DNMT3A: variants seen among roughly 807,000 people sequenced by gnomAD.
DNMT3A encodes the protein DNA (cytosine-5)-methyltransferase 3A.
Under a neutral mutation model 117.6 loss-of-function variants are expected in DNMT3A, and 267 were observed. The observed-to-expected ratio is 2.27, with a 90% confidence interval of 2.05 to 2.51. The LOEUF is 2.51. Among genes scored for constraint, DNMT3A ranks in the 30% most tolerant of loss-of-function variants. The probability of loss-of-function intolerance (pLI) is 0.00; values close to 1 mark genes in which losing one functional copy is unlikely to be tolerated. For missense variants in DNMT3A, 1,029 were observed against 1,260.2 expected, an observed-to-expected ratio of 0.82 and a Z score of 2.78; for synonymous variants, 432 against 474.8, an observed-to-expected ratio of 0.91 and a Z score of 1.17.
chr2:25,273,698 C>G (rs976631294), intron 6 of DNMT3A, among the ~76,000 whole-genome samples: 17 of 152,178 alleles, frequency 1.1e-4, no homozygotes, highest in African/African-American at 4.1e-4. Flanking sequence ...CTGAAGCCCT[C>G]CACGGGCTGT....
intron 6 of DNMT3A, among the ~76,000 whole-genome samples, chr2:25,271,274 G>A (rs1233778188): frequency 6.6e-6 from 1 of 152,132 alleles, no homozygotes; most frequent in Non-Finnish European, 1.5e-5. Flanking sequence ...CTCAACCCAG[G>A]AGGCGGAGGC....
Position 25,252,029 on chromosome 2 carries a change from TA to T in DNMT3A, c.640-3778del. On this transcript the variant is annotated intron_variant, in intron 6 of 22. Coordinates refer to ENST00000321117, the MANE Select transcript of DNMT3A (RefSeq NM_022552.5). The surrounding 1 kb of genome is among the most constrained non-coding windows in gnomAD (Gnocchi z 5.5). ...GGGCAGGAAGGCGGCGGGCCAGCAC[TA>T]AGTCAGCATCTCCAGAACTCGGGCC... 1 of 875,796 alleles carries T rather than the reference TA, an allele frequency of 1.1e-6. No homozygotes were observed. The highest frequency in any genetic ancestry group is 1.7e-6 in the Non-Finnish European group (1 of 598,566). 54.3% of individuals were successfully genotyped at this position (875,796 alleles called of 1,614,324 possible). A position where few individuals can be genotyped will look rare whatever the true frequency, so the allele number is the denominator to read the frequency against.
intron 6 of DNMT3A, among the ~76,000 whole-genome samples, chr2:25,274,076 C>T (rs2031185271): frequency 6.6e-6 from 1 of 152,232 alleles, no homozygotes; most frequent in African/African-American, 2.4e-5. Flanking sequence ...AGACTCCAGG[C>T]ACCTGGCATC....
chr2:25,254,423 C>G lies in DNMT3A; in HGVS notation c.640-6171G>C, dbSNP rs1389671874. Among the ~76,000 whole-genome samples the G allele has an allele frequency of 6.6e-6, 1 of 151,984 alleles. No homozygotes were observed. Among genetic ancestry groups the G allele is most frequent in the Non-Finnish European group, 1.5e-5 (1 of 68,006 alleles). On this transcript the variant is annotated intron_variant, in intron 6 of 22. Transcript: ENST00000321117. The surrounding 1 kb of genome is among the most constrained non-coding windows in gnomAD (Gnocchi z 4.7). The stretch of plus-strand genomic sequence containing the variant: ...ACCTAGAAGACTTGGGTACAGACTC[C>G]CCCCCAACCCTGAGACCCAGAATCC...
chr2:25,240,227 G>C (rs553854308), intron 19 of DNMT3A, 75 bp downstream of exon 19: 12 of 1,598,672 alleles, frequency 7.5e-6, no homozygotes. Flanking sequence ...CCACAATGCA[G>C]ATGAGACAGG....
chr2:25,291,659 T>G (rs931977994), intron 3 of DNMT3A, among the ~76,000 whole-genome samples: 3 of 152,282 alleles, frequency 2.0e-5, no homozygotes, highest in African/African-American at 7.2e-5. Flanking sequence ...GTCCTACCAT[T>G]CCCCTTACCA....
intron 1 of DNMT3A, among the ~76,000 whole-genome samples, chr2:25,316,070 G>A (rs755919635): frequency 2.6e-4 from 40 of 152,340 alleles, no homozygotes; most frequent in Non-Finnish European, 4.6e-4. Context: ...CAAGGAAGCT[G>A]TTGCGGCCCC....
In DNMT3A at chr2:25,246,160, C is replaced by G; in HGVS notation, c.1429G>C (p.Glu477Gln). 4 of 1,613,916 alleles carry G rather than the reference C, an allele frequency of 2.5e-6. No homozygotes were observed. Among genetic ancestry groups the G allele is most frequent in the Non-Finnish European group, 3.4e-6 (4 of 1,179,808 alleles). ...CCCTCTCCAGAAGCAGGCCAACTAC[C>G]TCTTGTGCGCTCATCAATAATCTCC... The part of the protein sequence containing the change: ...VKEIIDERTR[E>Q]RLVYEVRQKC... The change falls in exon 11 of 23, where the codon GAG (glutamate) becomes CAG (glutamine). Residue 477 changes from glutamate to glutamine, a missense_variant and splice_region_variant. Physicochemically the swap from Glu to Gln is conservative, Grantham distance 29. Coordinates refer to ENST00000321117, the MANE Select transcript of DNMT3A (RefSeq NM_022552.5).
Position 25,234,304 on chromosome 2 carries a change from AGCGGAGCGAAGAG to A in DNMT3A, c.2701_2713del (p.Leu901Ter). The A allele has an allele frequency of 6.2e-7, 1 of 1,613,952 alleles. No homozygotes were observed. The highest frequency in any genetic ancestry group is 8.5e-7 in the Non-Finnish European group (1 of 1,179,918). On this transcript the variant is annotated frameshift_variant, in exon 23 of 23. Coordinates refer to ENST00000321117, the MANE Select transcript of DNMT3A (RefSeq NM_022552.5). LOFTEE classifies it high-confidence loss of function. The surrounding 1 kb of genome is among the most constrained non-coding windows in gnomAD (Gnocchi z 4.5). Reference sequence around the variant, plus strand: ...TTACACACACGCAAAATACTCCTTCAGCGGAGCGAAGAGGTGGCGGATGACTGGCACGCTCCAT... The same window carrying A: ...TTACACACACGCAAAATACTCCTTCAGTGGCGGATGACTGGCACGCTCCAT...
At chr2:25,246,806 G>A (rs949891527) in intron 9 of DNMT3A, 30 bp from the exon 10 acceptor site, 4 of 1,608,824 alleles carry the variant, frequency 2.5e-6, no homozygotes, top group Middle Eastern at 1.7e-4. Flanking sequence ...GGTTGGGGTT[G>A]TCAGGACAGG....
chr2:25,244,258 C>T lies in DNMT3A; in HGVS notation c.1748G>A (p.Cys583Tyr), dbSNP rs748082838. The T allele has an allele frequency of 1.2e-6, 2 of 1,613,968 alleles. No homozygotes were observed. Among genetic ancestry groups the T allele is most frequent in the Non-Finnish European group, 1.7e-6 (2 of 1,179,980 alleles). The change falls in exon 15 of 23, where the codon TGC (cysteine) becomes TAC (tyrosine). Residue 583 changes from cysteine to tyrosine, a missense_variant. Physicochemically the swap from Cys to Tyr is radical, Grantham distance 194. Coordinates refer to ENST00000321117, the MANE Select transcript of DNMT3A (RefSeq NM_022552.5). ...QAAIKEDPWN[C>Y]YMCGHKGTYG... ...GGTACCCTTGTGCCCGCACATGTAGCAGTTCCAGGGGTCTTCCTTAATGGC... is the reference window on the plus strand; with the variant it reads ...GGTACCCTTGTGCCCGCACATGTAGTAGTTCCAGGGGTCTTCCTTAATGGC...
Position 25,275,577 on chromosome 2 carries a change from T to C in DNMT3A, c.449-34A>G, listed in dbSNP as rs1403720221. 3 of 1,550,224 alleles carry C rather than the reference T, an allele frequency of 1.9e-6. No homozygotes were observed. The South Asian group carries it at 3.7e-5, about 19-fold the overall frequency. ...AGGGAAGAACAAAGGGACCAGTTCGTTGGTCGGCAGAATTACTGGAGTGGC... is the reference window on the plus strand; with the variant it reads ...AGGGAAGAACAAAGGGACCAGTTCGCTGGTCGGCAGAATTACTGGAGTGGC... On this transcript the variant is annotated intron_variant, in intron 4 of 22. Coordinates refer to ENST00000321117, the MANE Select transcript of DNMT3A (RefSeq NM_022552.5).
chr2:25,288,815 C>T (rs1221008471), intron 3 of DNMT3A, among the ~76,000 whole-genome samples: 1 of 152,206 alleles, frequency 6.6e-6, no homozygotes, highest in African/African-American at 2.4e-5. Context: ...CCAGTCACCA[C>T]TCTTCTACTT....
intron 1 of DNMT3A, among the ~76,000 whole-genome samples, chr2:25,329,181 G>A (rs1573505016): frequency 6.6e-6 from 1 of 152,158 alleles, no homozygotes; most frequent in East Asian, 1.9e-4. Context: ...GGCCGAGGGA[G>A]GGAGAAGAGC....
At chr2:25,266,499 CCTTTA>C (rs1176879676) in intron 6 of DNMT3A, among the ~76,000 whole-genome samples, 1 of 152,140 alleles carries the variant, frequency 6.6e-6, no homozygotes, top group African/African-American at 2.4e-5. Flanking sequence ...GCACAAGGCC[CCTTTA>C]CTTAGTAGGT....
At chr2:25,334,243 T>A (rs2035124180) in intron 1 of DNMT3A, among the ~76,000 whole-genome samples, 1 of 152,060 alleles carries the variant, frequency 6.6e-6, no homozygotes, top group Admixed American at 6.5e-5. Context: ...CTTCCTGGGG[T>A]AGCAAGACGA....
chr2:25,326,108 A>ATG (rs61521265), intron 1 of DNMT3A, among the ~76,000 whole-genome samples: 24,355 of 142,112 alleles, frequency 0.17, 2,228 homozygotes, highest in East Asian at 0.4. Flanking sequence ...CTTGATATAT[A>ATG]TGTGTGTGTG....
chr2:25,332,558 T>C (rs2149448433), intron 1 of DNMT3A, among the ~76,000 whole-genome samples: 1 of 152,358 alleles, frequency 6.6e-6, no homozygotes, highest in South Asian at 2.1e-4. Flanking sequence ...ACATCATTTG[T>C]GGATCTGAGG....
Position 25,282,222 on chromosome 2 carries a change from G to T in DNMT3A, c.448+219C>A. Reference sequence around the variant, plus strand: ...TGAAATTTTTTGATTTTTAAATACTGGCAACTAATTTTTTAAATGTTTAAA... The same window carrying T: ...TGAAATTTTTTGATTTTTAAATACTTGCAACTAATTTTTTAAATGTTTAAA... On this transcript the variant is annotated intron_variant, in intron 4 of 22. Coordinates refer to ENST00000321117, the MANE Select transcript of DNMT3A (RefSeq NM_022552.5). This position sits in a 1 kb window ranked among gnomAD's most constrained non-coding sequence, Gnocchi z 5.2. The T allele has an allele frequency of 8.0e-7, 1 of 1,246,850 alleles. No homozygotes were observed. The highest frequency in any genetic ancestry group is 1.0e-6 in the Non-Finnish European group (1 of 990,840). The allele number at this position is 1,246,850 out of a possible 1,614,324, so 77.2% of individuals were successfully genotyped here.
Sources: allele counts gnomAD v4.1 joint callset (sites outside exome capture counted in the v4.1 genomes callset), GRCh38; gene constraint gnomAD v4.1.1; non-coding constraint Gnocchi (gnomAD v3.1); transcripts MANE v1.5; gene names NCBI Gene and HGNC (gene_info 2026-07-23, HGNC 2026-07-21).